The following HS6ST3 variants were observed in gnomAD, a reference collection of about 807,000 sequenced individuals.
HS6ST3 encodes the protein heparan-sulfate 6-O-sulfotransferase 3.
A neutral mutation model predicts 36.7 loss-of-function variants in HS6ST3; 12 were observed. That is an observed-to-expected ratio of 0.33 (90% CI 0.21 to 0.53). HS6ST3 has a LOEUF of 0.53. Ranked by LOEUF, HS6ST3 falls within the 20% of genes least tolerant of loss-of-function variation. The pLI, the probability that HS6ST3 is intolerant of heterozygous loss-of-function variation, is 0.95. For synonymous variants in HS6ST3, 240 were observed against 257.5 expected (o/e 0.93, Z 0.65); for missense variants, 584 against 640.9 (o/e 0.91, Z 0.96).
At chr13:96,708,282 G>C (rs1875477203) in intron 1 of HS6ST3, among the ~76,000 whole-genome samples, 1 of 152,160 alleles carries the variant, frequency 6.6e-6, no homozygotes, top group Non-Finnish European at 1.5e-5. Context: ...TAATGACTTT[G>C]CATTAGGGTT....
At chr13:96,309,957 A>G (rs1160128456) in intron 1 of HS6ST3, among the ~76,000 whole-genome samples, 1 of 152,150 alleles carries the variant, frequency 6.6e-6, no homozygotes, top group Non-Finnish European at 1.5e-5. Flanking sequence ...AATTCAACAC[A>G]TTTTACATAA....
At chr13:96,659,340 A>G (rs1463181237) in intron 1 of HS6ST3, among the ~76,000 whole-genome samples, 2 of 152,100 alleles carry the variant, frequency 1.3e-5, no homozygotes, top group Admixed American at 1.3e-4. Context: ...TCTTTTGTTC[A>G]ATTTTAAAAA....
At chr13:96,597,565 C>T (rs2056406315) in intron 1 of HS6ST3, among the ~76,000 whole-genome samples, 1 of 151,230 alleles carries the variant, frequency 6.6e-6, no homozygotes, top group Admixed American at 6.6e-5. Context: ...ATTTGAGTTC[C>T]TTGTAGATTC....
intron 1 of HS6ST3, among the ~76,000 whole-genome samples, chr13:96,446,967 C>A (rs1380009681): frequency 6.6e-6 from 1 of 152,130 alleles, no homozygotes; most frequent in Non-Finnish European, 1.5e-5. Context: ...GGTGTGCCTT[C>A]AAGTCCTCTT....
chr13:96,354,903 G>T (rs2055201999), intron 1 of HS6ST3, among the ~76,000 whole-genome samples: 1 of 152,108 alleles, frequency 6.6e-6, no homozygotes, highest in Admixed American at 6.5e-5. Flanking sequence ...GCTACCGTAA[G>T]ATAAGGAATA....
chr13:96,667,881 C>T (rs1164759136), intron 1 of HS6ST3, among the ~76,000 whole-genome samples: 1 of 152,016 alleles, frequency 6.6e-6, no homozygotes, highest in Non-Finnish European at 1.5e-5. Flanking sequence ...GCCCTTGTGC[C>T]AGAATTCTTG....
At chr13:96,400,476 G>A (rs2055445716) in intron 1 of HS6ST3, among the ~76,000 whole-genome samples, 1 of 152,088 alleles carries the variant, frequency 6.6e-6, no homozygotes, top group Non-Finnish European at 1.5e-5. Flanking sequence ...ACTGATTAAT[G>A]AATTAATTGG....
At chr13:96,567,321 A>G (rs2056284920) in intron 1 of HS6ST3, among the ~76,000 whole-genome samples, 1 of 152,194 alleles carries the variant, frequency 6.6e-6, no homozygotes, top group Non-Finnish European at 1.5e-5. Context: ...AGCTTTAAGC[A>G]TAAATAGAAA....
chr13:96,357,720 G>A (rs951849593), intron 1 of HS6ST3, among the ~76,000 whole-genome samples: 2 of 152,040 alleles, frequency 1.3e-5, no homozygotes, highest in African/African-American at 4.8e-5. Flanking sequence ...CAGGTTCTCG[G>A]TATGTTAACC....
At chr13:96,546,370 A>G (rs1297931833) in intron 1 of HS6ST3, among the ~76,000 whole-genome samples, 2 of 152,130 alleles carry the variant, frequency 1.3e-5, no homozygotes, top group Non-Finnish European at 2.9e-5. Context: ...GCTCCGTATT[A>G]CAAGTTTCAC....
intron 1 of HS6ST3, among the ~76,000 whole-genome samples, chr13:96,798,801 CA>C (rs944704917): frequency 6.6e-6 from 1 of 152,064 alleles, no homozygotes; most frequent in Non-Finnish European, 1.5e-5. Context: ...ATGAGCTAAA[CA>C]ACAGAAATTT....
At chr13:96,784,263 G>A (rs1443491658) in intron 1 of HS6ST3, among the ~76,000 whole-genome samples, 1 of 152,180 alleles carries the variant, frequency 6.6e-6, no homozygotes, top group African/African-American at 2.4e-5. Context: ...CTGAAAGACT[G>A]CCTCCAGAAG....
At chr13:96,705,103 C>A (rs1875385090) in intron 1 of HS6ST3, among the ~76,000 whole-genome samples, 1 of 152,134 alleles carries the variant, frequency 6.6e-6, no homozygotes, top group South Asian at 2.1e-4. Flanking sequence ...TTTGCTACAG[C>A]TGATGAGCCT....
At chr13:96,156,004 A>G (rs1195023900) in intron 1 of HS6ST3, among the ~76,000 whole-genome samples, 1 of 152,154 alleles carries the variant, frequency 6.6e-6, no homozygotes, top group Admixed American at 6.5e-5. Context: ...AGGAAGTTAC[A>G]CCCTCATGAT....
chr13:96,597,542 T>A (rs147614801), intron 1 of HS6ST3, among the ~76,000 whole-genome samples: 119 of 152,158 alleles, frequency 7.8e-4, no homozygotes, highest in African/African-American at 2.7e-3. Context: ...TTATTTATTT[T>A]TTTTTCTTGA....
At chr13:96,604,411 G>C (rs1389599795) in intron 1 of HS6ST3, among the ~76,000 whole-genome samples, 1 of 152,134 alleles carries the variant, frequency 6.6e-6, no homozygotes, top group East Asian at 1.9e-4. Context: ...TAGGGTCCTA[G>C]TGCTAGAAAA....
chr13:96,502,325 AC>A, intron 1 of HS6ST3, among the ~76,000 whole-genome samples: 1 of 148,420 alleles, frequency 6.7e-6, no homozygotes, highest in Admixed American at 6.8e-5. Context: ...GCATGTTGCT[AC>A]CCTGTGCCTG....
Position 96,090,839 on chromosome 13 carries a change from G to T in HS6ST3, c.-24G>T, listed in dbSNP as rs769959672. On this transcript the variant is annotated 5_prime_UTR_variant, in exon 1 of 2. Coordinates refer to ENST00000376705, the MANE Select transcript of HS6ST3 (RefSeq NM_153456.4). ...CTGCCGCCGCCGCCGCCGCCGCTTC[G>T]CCTGCCGGCCTGAGAGCGGGACCAT... 2 of 1,470,354 alleles carry T rather than the reference G, an allele frequency of 1.4e-6. No homozygotes were observed. Among genetic ancestry groups the T allele is most frequent in the East Asian group, 2.9e-5 (1 of 34,088 alleles). 91.1% of individuals were successfully genotyped at this position (1,470,354 alleles called of 1,614,324 possible). A position where few individuals can be genotyped will look rare whatever the true frequency, so the allele number is the denominator to read the frequency against.
intron 1 of HS6ST3, among the ~76,000 whole-genome samples, chr13:96,524,692 G>A (rs907306549): frequency 2.0e-5 from 3 of 152,184 alleles, no homozygotes; most frequent in South Asian, 2.1e-4. Context: ...GAGCCAGGCC[G>A]GTTGCAAAGA....
Sources: allele counts gnomAD v4.1 joint callset (sites outside exome capture counted in the v4.1 genomes callset), GRCh38; gene constraint gnomAD v4.1.1; transcripts MANE v1.5; gene names NCBI Gene and HGNC (gene_info 2026-07-23, HGNC 2026-07-21).